YTHDF2: variants seen among roughly 807,000 people sequenced by gnomAD.
The protein encoded by YTHDF2 is YTH N6-methyladenosine RNA binding protein F2, also known as YTH domain-containing family protein 2.
In YTHDF2, 2 loss-of-function variants were observed where a neutral mutation model predicts 50.4. The observed-to-expected ratio is 0.04, with a 90% confidence interval of 0.02 to 0.12. YTHDF2 has a LOEUF of 0.12. Among genes scored for constraint, YTHDF2 ranks in the 10% least tolerant of loss-of-function variants. The pLI is 1.00. For missense variants in YTHDF2, 483 were observed against 722.6 expected (o/e 0.67, Z 3.80); for synonymous variants, 217 against 255.6 (o/e 0.85, Z 1.44).
chr1:28,756,471 C>A (rs1439471227), intron 4 of YTHDF2, among the ~76,000 whole-genome samples: 1 of 151,982 alleles, frequency 6.6e-6, no homozygotes, highest in Non-Finnish European at 1.5e-5. Flanking sequence ...TTCTTTTTTT[C>A]CCTGCAAACA....
rs2087809622 is a variant in YTHDF2, at chr1:28,743,400, G to T, written c.1130G>T (p.Gly377Val). ...DGNGVGQSQA[G>V]SGSTPSEPHP... Reference sequence around the variant, plus strand: ...AATGGAGTAGGACAGTCTCAGGCTGGTTCTGGATCTACTCCTTCAGAACCC... The same window carrying T: ...AATGGAGTAGGACAGTCTCAGGCTGTTTCTGGATCTACTCCTTCAGAACCC... Residue 377 changes from glycine to valine, a missense_variant, in exon 4 of 5, where the codon GGT becomes GTT. By Grantham distance (109) the Gly-to-Val change is moderately radical. This residue lies in a region of YTHDF2 where 385 missense variants were observed against 475.8 expected (regional missense o/e 0.81). Transcript: ENST00000373812. This position sits in a 1 kb window ranked among gnomAD's most constrained non-coding sequence, Gnocchi z 6.9. 1.2e-6 allele frequency: 2 copies of T among 1,614,160 alleles called. No individual in the cohort carries two copies. Among genetic ancestry groups the T allele is most frequent in the South Asian group, 2.2e-5 (2 of 91,086 alleles).
chr1:28,764,971 C>T (rs1052186320), intron 4 of YTHDF2, among the ~76,000 whole-genome samples: 1 of 152,044 alleles, frequency 6.6e-6, no homozygotes, highest in Non-Finnish European at 1.5e-5. Flanking sequence ...AATTCCTGGG[C>T]TCAGATGATC....
At chr1:28,748,088 A>G (rs945441842) in intron 4 of YTHDF2, among the ~76,000 whole-genome samples, 42 of 151,658 alleles carry the variant, frequency 2.8e-4, no homozygotes, top group African/African-American at 9.9e-4. Context: ...AGATGGCGCC[A>G]CTGGACTCCA....
chr1:28,761,726 C>G (rs1411473090), intron 4 of YTHDF2, among the ~76,000 whole-genome samples: 1 of 151,970 alleles, frequency 6.6e-6, no homozygotes, highest in African/African-American at 2.4e-5. Flanking sequence ...GAGCGAAACT[C>G]TGTCTCAAAT....
chr1:28,745,241 A>G (rs1158060396), intron 4 of YTHDF2, among the ~76,000 whole-genome samples: 4 of 152,170 alleles, frequency 2.6e-5, no homozygotes, highest in African/African-American at 7.2e-5. Flanking sequence ...TTGGAGGTAC[A>G]TAGTTGTTAA....
At chr1:28,744,677 A>G (rs887154857) in intron 4 of YTHDF2, among the ~76,000 whole-genome samples, 5 of 152,080 alleles carry the variant, frequency 3.3e-5, no homozygotes, top group Non-Finnish European at 7.4e-5. Context: ...TGGGATTTAT[A>G]CTTACTTTTT....
At chr1:28,759,033 AGAG>A (rs1201527351) in intron 4 of YTHDF2, among the ~76,000 whole-genome samples, 1 of 152,222 alleles carries the variant, frequency 6.6e-6, no homozygotes, top group East Asian at 1.9e-4. Context: ...AAATGATTGA[AGAG>A]AAGTTTTTCA....
intron 4 of YTHDF2, among the ~76,000 whole-genome samples, chr1:28,754,386 C>T (rs978046564): frequency 5.9e-5 from 9 of 151,974 alleles, no homozygotes; most frequent in African/African-American, 1.7e-4. Flanking sequence ...AAAAATTAGC[C>T]GGGCGTGGTG....
intron 4 of YTHDF2, among the ~76,000 whole-genome samples, chr1:28,767,034 G>C (rs965730641): frequency 4.1e-5 from 6 of 144,772 alleles, no homozygotes; most frequent in Admixed American, 3.5e-4. Context: ...TAGAGACAGT[G>C]TCTCCATATG....
intron 4 of YTHDF2, among the ~76,000 whole-genome samples, chr1:28,744,913 C>T (rs1268806149): frequency 1.3e-5 from 2 of 152,112 alleles, no homozygotes; most frequent in African/African-American, 2.4e-5. Context: ...AAGTGATCTG[C>T]CCCTGCCTCC....
At position 28,766,956 on chromosome 1, in the gene YTHDF2, C is replaced by T. The variant is rs1282797512; in HGVS notation, c.1717-1973C>T. On this transcript the variant is annotated intron_variant, in intron 4 of 4. Transcript: ENST00000373812. ...TAAGCCATCCTCCCAGCTCACCCCCCAAGTAGCTGGGACCACAGGCACATG... is the reference window on the plus strand; with the variant it reads ...TAAGCCATCCTCCCAGCTCACCCCCTAAGTAGCTGGGACCACAGGCACATG... Among the ~76,000 whole-genome samples, 9 of 151,812 alleles carry T rather than the reference C, an allele frequency of 5.9e-5. No individual in the cohort carries two copies. The South Asian group carries it at 1.9e-3, about 32-fold the overall frequency.
chr1:28,765,500 A>T (rs1192210421), intron 4 of YTHDF2, among the ~76,000 whole-genome samples: 1 of 152,050 alleles, frequency 6.6e-6, no homozygotes, highest in African/African-American at 2.4e-5. Context: ...ATCATAGCTC[A>T]CTGTAACCTC....
chr1:28,765,953 C>G (rs916421702), intron 4 of YTHDF2, among the ~76,000 whole-genome samples: 16 of 152,150 alleles, frequency 1.1e-4, no homozygotes, highest in African/African-American at 3.6e-4. Context: ...TTATCAAAAT[C>G]AGGAAATTTA....
At chr1:28,738,369 G>C in intron 3 of YTHDF2, 31 bp downstream of exon 3, 1 of 1,525,482 alleles carries the variant, frequency 6.6e-7, no homozygotes, top group Non-Finnish European at 9.1e-7. Flanking sequence ...ATATCTAATC[G>C]AAGGGTGTGG....
At chr1:28,741,508 A>G (rs886405295) in intron 3 of YTHDF2, among the ~76,000 whole-genome samples, 23 of 152,044 alleles carry the variant, frequency 1.5e-4, no homozygotes, top group African/African-American at 5.6e-4. Flanking sequence ...CATGTTGGCC[A>G]GGCTGGTCTC....
intron 4 of YTHDF2, among the ~76,000 whole-genome samples, chr1:28,756,904 A>G (rs1276737021): frequency 2.0e-5 from 3 of 152,214 alleles, no homozygotes; most frequent in African/African-American, 4.8e-5. Context: ...AATTAGGGCA[A>G]ACGTTCTCTT....
intron 4 of YTHDF2, among the ~76,000 whole-genome samples, chr1:28,765,374 A>G (rs1369680783): frequency 6.6e-6 from 1 of 152,070 alleles, no homozygotes; most frequent in Non-Finnish European, 1.5e-5. Context: ...TGCAGAAGAA[A>G]TAAATTCATT....
intron 4 of YTHDF2, among the ~76,000 whole-genome samples, chr1:28,758,470 C>T (rs1014447607): frequency 3.9e-5 from 6 of 152,098 alleles, no homozygotes; most frequent in East Asian, 1.9e-4. Flanking sequence ...TTAGTTGGAA[C>T]GTAAGTATGT....
intron 2 of YTHDF2, 159 bp downstream of exon 2, chr1:28,737,841 C>A: frequency 1.2e-6 from 1 of 819,880 alleles, no homozygotes; most frequent in Non-Finnish European, 1.9e-6. Flanking sequence ...TGTGTTCTTG[C>A]AGCTGGCGAA....
Sources: gnomAD v4.1 joint callset for allele counts (sites outside exome capture counted in the v4.1 genomes callset) on GRCh38, gnomAD v4.1.1 for gene constraint, gnomAD v4.1.1 regional missense constraint, Gnocchi (gnomAD v3.1) non-coding constraint, MANE v1.5 for transcripts, NCBI Gene and HGNC (gene_info 2026-07-23, HGNC 2026-07-21) for gene names.